ITIH1: variants seen among roughly 807,000 people sequenced by gnomAD.
ITIH1 encodes the protein inter-alpha-trypsin inhibitor heavy chain H1.
ITIH1 carries 94 observed loss-of-function variants against 104.6 expected under a neutral mutation model. That is an observed-to-expected ratio of 0.90 (90% confidence interval 0.76 to 1.07). The LOEUF (loss-of-function observed/expected upper bound fraction) is 1.07, where lower values mean the gene tolerates loss of function less well. Ranked by LOEUF, ITIH1 falls within the 50% of genes least tolerant of loss-of-function variation. The probability of loss-of-function intolerance (pLI) is 0.00; values close to 1 mark genes in which losing one functional copy is unlikely to be tolerated. For missense variants in ITIH1, 1,193 were observed against 1,181.4 expected, an observed-to-expected ratio of 1.01 and a Z score of -0.14; for synonymous variants, 455 against 464.4, an observed-to-expected ratio of 0.98 and a Z score of 0.26.
intron 6 of ITIH1, 97 bp downstream of exon 6, chr3:52,780,479 C>T (rs1699007465): frequency 1.2e-6 from 1 of 805,808 alleles, no homozygotes; most frequent in South Asian, 1.7e-5. Flanking sequence ...AGAAACCAGG[C>T]AGGGGCTGTG....
At position 52,791,637 on chromosome 3, in the gene ITIH1, G is replaced by GCAAGCAGCCCACC; in HGVS notation, c.2606+10_2606+11insAAGCAGCCCACCC. 6.2e-7 allele frequency: 1 copy of GCAAGCAGCCCACC among 1,613,090 alleles called. No homozygotes were observed. The highest frequency in any genetic ancestry group is 1.3e-5 in the African/African-American group (1 of 75,042). ...CGGCTCACGGTCACCAGGTGGGTGG[G>GCAAGCAGCCCACC]CTGCTTGCCCAGCACGTCTGCCCTC... On this transcript the variant is annotated intron_variant, in intron 21 of 21. Transcript: ENST00000273283.
chr3:52,786,461 G>A, intron 13 of ITIH1, 27 bp downstream of exon 13: 1 of 1,559,514 alleles, frequency 6.4e-7, no homozygotes, highest in African/African-American at 1.4e-5. Flanking sequence ...TGCCCCAGGT[G>A]GGCACTGCCC....
rs1201366243 is a variant in ITIH1, at chr3:52,786,004, G to A, written c.1594-291G>A. 2.0e-5 allele frequency among the ~76,000 whole-genome samples: 3 copies of A among 152,170 alleles called. No homozygotes were observed. The South Asian group carries it at 6.2e-4, about 31-fold the overall frequency. On this transcript the variant is annotated intron_variant, in intron 12 of 21. Transcript: ENST00000273283. ...TAGAATTTGGTGGGCATTTGGAGTG[G>A]GTCATAGTGGAAACAGCCGGGTGCT...
At chr3:52,786,209 C>G in intron 12 of ITIH1, 86 bp from the exon 13 acceptor site, 1 of 1,376,450 alleles carries the variant, frequency 7.3e-7, no homozygotes, top group South Asian at 1.3e-5. Flanking sequence ...AGATACCAGA[C>G]GAAATGGGCC....
chr3:52,786,533 G>A (rs911583640), intron 13 of ITIH1, 99 bp downstream of exon 13: 67 of 1,193,930 alleles, frequency 5.6e-5, no homozygotes, highest in Middle Eastern at 5.7e-4. Flanking sequence ...GGGCAAGTAG[G>A]TCAGATTTAC....
At chr3:52,790,212 C>T (rs1202708531) in intron 19 of ITIH1, 2 of 357,912 alleles carry the variant, frequency 5.6e-6, no homozygotes, top group Non-Finnish European at 5.2e-6. Flanking sequence ...CTGGGCTTCT[C>T]ATTTGGCATG....
Position 52,786,295 on chromosome 3 carries a change from G to A in ITIH1, c.1594G>A (p.Glu532Lys). 6.4e-7 allele frequency: 1 copy of A among 1,567,900 alleles called. No individual in the cohort carries two copies. ...CCCCTCTCTGTACCTCAACTCTCAG[G>A]AGGGACAAGAATTCAGTATAACCTG... ...SFKADVQAHG[E>K]GQEFSITCLV... Residue 532 changes from glutamate to lysine, a missense_variant and splice_region_variant, in exon 13 of 22, where the codon GAG becomes AAG. Physicochemically the swap from Glu to Lys is moderately conservative, Grantham distance 56. Transcript: ENST00000273283.
chr3:52,786,084 T>A (rs543495728), intron 12 of ITIH1, among the ~76,000 whole-genome samples: 1 of 152,228 alleles, frequency 6.6e-6, no homozygotes, highest in South Asian at 2.1e-4. Flanking sequence ...TCCCATTCCA[T>A]GGGATCCCTA....
chr3:52,791,985 G>A lies in ITIH1; in HGVS notation c.*74G>A, dbSNP rs1699373934. On this transcript the variant is annotated 3_prime_UTR_variant, in exon 22 of 22. Transcript: ENST00000273283. Reference sequence around the variant, plus strand: ...GAGGACGACATCCTGACCTGCTGCTGAGGCTGTACCTCCTTGACTAAGCTG... The same window carrying A: ...GAGGACGACATCCTGACCTGCTGCTAAGGCTGTACCTCCTTGACTAAGCTG... 2.0e-6 allele frequency: 3 copies of A among 1,502,288 alleles called. No homozygotes were observed. The highest frequency in any genetic ancestry group is 2.7e-6 in the Non-Finnish European group (3 of 1,105,692). 93.1% of individuals were successfully genotyped at this position (1,502,288 alleles called of 1,614,324 possible). A position where few individuals can be genotyped will look rare whatever the true frequency, so the allele number is the denominator to read the frequency against.
rs1000343995 is a variant in ITIH1 at position 52,785,126 on chromosome 3, A to G, written c.1490A>G (p.Gln497Arg). ...CAGGATGCTGTCTTGGCCCTGACCC[A>G]GAACCACCATAAACAGTACTACGAA... ...YPQDAVLALT[Q>R]NHHKQYYEGS... The change falls in exon 12 of 22, where the codon CAG (glutamine) becomes CGG (arginine). Residue 497 changes from glutamine to arginine, a missense_variant. Physicochemically the swap from Gln to Arg is conservative, Grantham distance 43 (BLOSUM62 1). Coordinates refer to ENST00000273283, the MANE Select transcript of ITIH1 (RefSeq NM_002215.4). 9 of 1,614,034 alleles carry G rather than the reference A, an allele frequency of 5.6e-6. No homozygotes were observed. The African/African-American group carries it at 8.0e-5, about 14-fold the overall frequency.
chr3:52,785,344 C>A (rs983449666), intron 12 of ITIH1, 115 bp downstream of exon 12: 1 of 957,344 alleles, frequency 1.0e-6, no homozygotes, highest in East Asian at 2.6e-5. Context: ...CAGAGTAGTA[C>A]CCTCATCCCC....
chr3:52,787,621 C>G lies in ITIH1; in HGVS notation c.1924+9C>G. 2 of 1,614,094 alleles carry G rather than the reference C, an allele frequency of 1.2e-6. No individual in the cohort carries two copies. Among genetic ancestry groups the G allele is most frequent in the East Asian group, 4.5e-5 (2 of 44,882 alleles). On this transcript the variant is annotated intron_variant, in intron 16 of 21. Transcript: ENST00000273283. ...GCTGGGACCCAGAAGGAGTAAGTGG[C>G]AGCCATCCTGGCCATTCACATCTCT...
intron 13 of ITIH1, 38 bp from the exon 14 acceptor site, chr3:52,786,907 A>G (rs759870645): frequency 4.4e-6 from 7 of 1,576,122 alleles, no homozygotes; most frequent in Non-Finnish European, 6.0e-6. Context: ...AGGGCCGTGC[A>G]AGTCGGGGCT....
Position 52,787,001 on chromosome 3 carries a change from C to T in ITIH1, c.1790C>T (p.Ser597Leu), listed in dbSNP as rs775722288. Reference sequence around the variant, plus strand: ...CTGTCATCCCAGGCCCTGCAGATGTCGCTGGACTATGGGTTTGTGACCCCA... The same window carrying T: ...CTGTCATCCCAGGCCCTGCAGATGTTGCTGGACTATGGGTTTGTGACCCCA... Reference protein sequence around the residue: ...ANLSSQALQMSLDYGFVTPLT... With the variant: ...ANLSSQALQMLLDYGFVTPLT... The change falls in exon 14 of 22, where the codon TCG becomes TTG. Residue 597 changes from serine (S) to leucine (L), a missense_variant. Coordinates refer to ENST00000273283, the MANE Select transcript of ITIH1 (RefSeq NM_002215.4). The T allele has an allele frequency of 4.3e-6, 7 of 1,614,026 alleles. No homozygotes were observed. Among genetic ancestry groups the T allele is most frequent in the East Asian group, 4.5e-5 (2 of 44,890 alleles).
chr3:52,788,917 C>A (rs776894101), intron 18 of ITIH1, among the ~76,000 whole-genome samples: 6 of 151,834 alleles, frequency 4.0e-5, no homozygotes, highest in Admixed American at 1.3e-4. Context: ...AAACAAGGGG[C>A]CCTTCCTTTT....
At chr3:52,777,940 C>A (rs1698944859) in intron 1 of ITIH1, 57 bp from the exon 2 acceptor site, 1 of 1,609,074 alleles carries the variant, frequency 6.2e-7, no homozygotes, top group Non-Finnish European at 8.5e-7. Flanking sequence ...CCTGAACTGG[C>A]AGGCCGGTGG....
At chr3:52,790,096 CCT>C (rs1191114031) in intron 19 of ITIH1, 3 of 554,678 alleles carry the variant, frequency 5.4e-6, no homozygotes, top group South Asian at 2.0e-5. Context: ...GAATGCCACC[CCT>C]GTCTCTACCA....
At chr3:52,781,234 T>A (rs1699040436) in intron 6 of ITIH1, among the ~76,000 whole-genome samples, 1 of 85,584 alleles carries the variant, frequency 1.2e-5, no homozygotes, top group Non-Finnish European at 2.6e-5. Context: ...TTCTTCTTCT[T>A]CTTCTTCTTC....
chr3:52,789,772 ACTC>A lies in ITIH1; in HGVS notation c.2243_2245del (p.Pro748del). 1.2e-6 allele frequency: 2 copies of A among 1,614,034 alleles called. No individual in the cohort carries two copies. Among genetic ancestry groups the A allele is most frequent in the Non-Finnish European group, 1.7e-6 (2 of 1,179,976 alleles). ...TGCCACGGACTTTCAGTTGGAAGTG[ACTC>A]CTCAGAACATTACGCTGAACCCCGG... On this transcript the variant is annotated inframe_deletion, in exon 19 of 22. Transcript: ENST00000273283.
Sources: gnomAD v4.1 joint callset for allele counts (sites outside exome capture counted in the v4.1 genomes callset) on GRCh38, gnomAD v4.1.1 for gene constraint, MANE v1.5 for transcripts, NCBI Gene and HGNC (gene_info 2026-07-23, HGNC 2026-07-21) for gene names.